The following ESRRB variants were observed in gnomAD, a reference collection of about 807,000 sequenced individuals.
ESRRB encodes the protein estrogen related receptor beta.
In ESRRB, 16 loss-of-function variants were observed where a neutral mutation model predicts 46.0. That is an observed-to-expected ratio of 0.35 (90% CI 0.24 to 0.53). The LOEUF is 0.53. Among genes scored for constraint, ESRRB ranks in the 20% least tolerant of loss-of-function variants. The pLI, the probability that ESRRB is intolerant of heterozygous loss-of-function variation, is 0.93. For synonymous variants in ESRRB, 246 were observed against 259.6 expected (o/e 0.95, Z 0.50); for missense variants, 488 against 607.4 (o/e 0.80, Z 2.07).
At chr14:76,401,691 A>C (rs936898359) in intron 1 of ESRRB, among the ~76,000 whole-genome samples, 1 of 152,206 alleles carries the variant, frequency 6.6e-6, no homozygotes, top group Non-Finnish European at 1.5e-5. Flanking sequence ...GCCTAGGAGC[A>C]ATAGGCTTTA....
chr14:76,463,076 G>C (rs981378748), intron 3 of ESRRB: 2 of 263,756 alleles, frequency 7.6e-6, no homozygotes, highest in African/African-American at 4.4e-5. Flanking sequence ...CTTCACCTGT[G>C]AAGAATGGCA....
At chr14:76,386,425 G>A (rs936207165) in intron 1 of ESRRB, among the ~76,000 whole-genome samples, 9 of 150,018 alleles carry the variant, frequency 6.0e-5, no homozygotes, top group Admixed American at 3.3e-4. Flanking sequence ...GACCAAGCCC[G>A]AAAGATTAAT....
At chr14:76,390,938 G>A (rs1885443119) in intron 1 of ESRRB, among the ~76,000 whole-genome samples, 1 of 152,318 alleles carries the variant, frequency 6.6e-6, no homozygotes, top group East Asian at 1.9e-4. Context: ...GAACAGCCAA[G>A]CTGCAGCATG....
chr14:76,416,432 T>C (rs1254372236), intron 1 of ESRRB, among the ~76,000 whole-genome samples: 2 of 151,712 alleles, frequency 1.3e-5, no homozygotes, highest in African/African-American at 2.4e-5. Context: ...TCTATTTTTT[T>C]ACTTATAGCA....
intron 2 of ESRRB, among the ~76,000 whole-genome samples, chr14:76,443,209 G>T (rs1887994025): frequency 6.6e-6 from 1 of 152,156 alleles, no homozygotes. Context: ...ACGTTTTCCT[G>T]AAACCCCAGA....
intron 1 of ESRRB, among the ~76,000 whole-genome samples, chr14:76,317,904 CT>C (rs996237156): frequency 2.0e-5 from 3 of 152,180 alleles, no homozygotes; most frequent in Non-Finnish European, 4.4e-5. Context: ...GTTATCCAGC[CT>C]GTGTTCCTCT....
upstream of ESRRB, chr14:76,371,636 C>T (rs1006501753): frequency 6.6e-6 from 1 of 152,264 alleles, no homozygotes; most frequent in Non-Finnish European, 1.5e-5. Context: ...TCATTCCCAC[C>T]TGGAAGCTTG....
At chr14:76,324,863 G>T (rs1883908738) in intron 1 of ESRRB, among the ~76,000 whole-genome samples, 1 of 152,154 alleles carries the variant, frequency 6.6e-6, no homozygotes, top group East Asian at 1.9e-4. Context: ...CTTCCTACAG[G>T]GAAGTCTTTT....
chr14:76,500,792 G>T lies in ESRRB; in HGVS notation c.*2334G>T. 1 of 1,550,046 alleles carries T rather than the reference G, an allele frequency of 6.5e-7. No homozygotes were observed. The highest frequency in any genetic ancestry group is 1.1e-5 in the South Asian group (1 of 89,750). ...ACCTCACTGGATCTAGTGTTGCTGC[G>T]AGTGACCTCACTTCAGAGCCCCTCT... On this transcript the variant is annotated 3_prime_UTR_variant, in exon 7 of 7. Coordinates refer to ENST00000644823, the MANE Select transcript of ESRRB (RefSeq NM_001379180.1).
intron 1 of ESRRB, among the ~76,000 whole-genome samples, chr14:76,436,304 G>A (rs1049776779): frequency 7.2e-5 from 11 of 152,202 alleles, no homozygotes; most frequent in African/African-American, 2.7e-4. Context: ...TTTCCTTGGG[G>A]CAAATGCCTC....
At chr14:76,380,819 G>GC (rs1884981820) in intron 1 of ESRRB, among the ~76,000 whole-genome samples, 1 of 152,190 alleles carries the variant, frequency 6.6e-6, no homozygotes, top group South Asian at 2.1e-4. Context: ...TAGAGGTGCT[G>GC]CCAGTGCAGG....
At chr14:76,473,131 A>ACGT (rs10674446) in intron 3 of ESRRB, among the ~76,000 whole-genome samples, 17,073 of 152,132 alleles carry the variant, frequency 0.11, 1,139 homozygotes, top group Middle Eastern at 0.2. Flanking sequence ...TTTCCCTGTG[A>ACGT]CGTTTCTTGG....
At chr14:76,469,604 G>A (rs2140005896) in intron 3 of ESRRB, among the ~76,000 whole-genome samples, 1 of 151,826 alleles carries the variant, frequency 6.6e-6, no homozygotes, top group South Asian at 2.1e-4. Context: ...CAAACTCTTG[G>A]GCTCAAGCAA....
chr14:76,457,798 G>A (rs75978951), intron 2 of ESRRB, among the ~76,000 whole-genome samples: 3,897 of 152,102 alleles, frequency 0.026, 181 homozygotes, highest in African/African-American at 0.089. Flanking sequence ...TCAGCCTTCC[G>A]AATAGCTAAG....
intron 2 of ESRRB, among the ~76,000 whole-genome samples, chr14:76,461,846 C>G (rs1348922868): frequency 6.6e-6 from 1 of 152,162 alleles, no homozygotes; most frequent in Non-Finnish European, 1.5e-5. Context: ...AAGGAGTGGC[C>G]TGAAAAATTT....
intron 1 of ESRRB, among the ~76,000 whole-genome samples, chr14:76,426,883 C>A (rs58969746): frequency 0.063 from 9,592 of 151,826 alleles, 471 homozygotes; most frequent in East Asian, 0.18. Flanking sequence ...AACAAACAAA[C>A]AAAAAAATTG....
chr14:76,482,656 T>C lies in ESRRB; in HGVS notation c.747T>C (p.Pro249=). The change falls in exon 5 of 7, where the codon CCT becomes CCC. Residue 249 remains proline, a synonymous_variant. Transcript: ENST00000644823. The surrounding 1 kb of genome is among the most constrained non-coding windows in gnomAD (Gnocchi z 4.3). The part of the protein sequence containing the change: ...VAEPDKLYAM[P]PPGMPEGDIK... Reference sequence around the variant, plus strand: ...AGCCGGACAAGCTCTATGCCATGCCTCCCCCTGGTATGCCTGAGGGGGACA... The same window carrying C: ...AGCCGGACAAGCTCTATGCCATGCCCCCCCCTGGTATGCCTGAGGGGGACA... The C allele has an allele frequency of 1.9e-6, 3 of 1,613,934 alleles. No individual in the cohort carries two copies.
intron 1 of ESRRB, among the ~76,000 whole-genome samples, chr14:76,316,216 T>C (rs1299435612): frequency 6.6e-6 from 1 of 152,210 alleles, no homozygotes; most frequent in Non-Finnish European, 1.5e-5. Context: ...TCGTGGGATG[T>C]CTGCAGTCCT....
intron 5 of ESRRB, among the ~76,000 whole-genome samples, chr14:76,485,416 A>C (rs1034520461): frequency 6.6e-6 from 1 of 150,804 alleles, no homozygotes; most frequent in African/African-American, 2.4e-5. Context: ...TTTTTTTTCT[A>C]TCTTTAGTAA....
Sources: gnomAD v4.1 joint callset for allele counts (sites outside exome capture counted in the v4.1 genomes callset) on GRCh38, gnomAD v4.1.1 for gene constraint, Gnocchi (gnomAD v3.1) non-coding constraint, MANE v1.5 for transcripts, NCBI Gene and HGNC (gene_info 2026-07-23, HGNC 2026-07-21) for gene names.